The following ATP11B variants were observed in gnomAD, a reference collection of about 807,000 sequenced individuals.
ATP11B encodes ATPase phospholipid transporting 11B (putative), also known as phospholipid-transporting ATPase IF.
In ATP11B, 81 loss-of-function variants were observed where a neutral mutation model predicts 157.8. The ratio of observed to expected loss-of-function variants is 0.51; its 90% CI spans 0.43 to 0.62. The LOEUF (loss-of-function observed/expected upper bound fraction) is 0.62. Ranked by LOEUF, ATP11B falls within the 20% of genes least tolerant of loss-of-function variation. The pLI, the probability that ATP11B is intolerant of heterozygous loss-of-function variation, is 0.00. For synonymous variants in ATP11B, 451 were observed against 469.4 expected, an observed-to-expected ratio of 0.96 and a Z score of 0.51; for missense variants, 1,165 against 1,402.2, an observed-to-expected ratio of 0.83 and a Z score of 2.70.
Position 182,918,969 on chromosome 3 carries a change from T to G in ATP11B, c.*865T>G, listed in dbSNP as rs1203099118. The G allele has an allele frequency of 3.9e-5, 6 of 152,110 alleles. No individual in the cohort carries two copies. Among genetic ancestry groups the G allele is most frequent in the Non-Finnish European group, 2.9e-5 (2 of 67,992 alleles). The allele number at this position is 152,110 out of a possible 1,614,324, so 9.4% of individuals were successfully genotyped here. A position where few individuals can be genotyped will look rare whatever the true frequency, so the allele number is the denominator to read the frequency against. On this transcript the variant is annotated 3_prime_UTR_variant, in exon 30 of 30. Coordinates refer to ENST00000323116, the MANE Select transcript of ATP11B (RefSeq NM_014616.3). Reference sequence around the variant, plus strand: ...ATCTGGTTAACATATTTAAATTTGCTTTTTTTCTCTTTACCTGAAGGCTCT... The same window carrying G: ...ATCTGGTTAACATATTTAAATTTGCGTTTTTTCTCTTTACCTGAAGGCTCT...
At chr3:182,870,446 T>C (rs527611701) in intron 17 of ATP11B, among the ~76,000 whole-genome samples, 5 of 152,230 alleles carry the variant, frequency 3.3e-5, no homozygotes, top group Middle Eastern at 3.2e-3. Context: ...TAATTGTTTA[T>C]GTTCCAGTTT....
At chr3:182,818,575 A>G (rs1717110877) in intron 1 of ATP11B, among the ~76,000 whole-genome samples, 1 of 152,124 alleles carries the variant, frequency 6.6e-6, no homozygotes, top group Non-Finnish European at 1.5e-5. Context: ...GCATTTGTAC[A>G]GTCCTGTACT....
chr3:182,860,830 T>G lies in ATP11B; in HGVS notation c.1200+1471T>G, dbSNP rs1288384667. On this transcript the variant is annotated intron_variant, in intron 12 of 29. Transcript: ENST00000323116. The stretch of plus-strand genomic sequence containing the variant: ...TTTTTTAAAATTGCCTCTTATCCCA[T>G]TTCTTGAACATAATCTATTCTTTTA... Among the ~76,000 whole-genome samples the G allele has an allele frequency of 2.0e-5, 3 of 152,206 alleles. No individual in the cohort carries two copies. In the East Asian group the frequency reaches 5.8e-4, roughly 29 times the overall value.
At chr3:182,810,237 CAGG>C (rs952584525) in intron 1 of ATP11B, among the ~76,000 whole-genome samples, 2 of 152,070 alleles carry the variant, frequency 1.3e-5, no homozygotes, top group Middle Eastern at 3.2e-3. Context: ...GAGGCTGAGA[CAGG>C]AGAATTGCTT....
chr3:182,895,374 C>A (rs1007605696), intron 25 of ATP11B, among the ~76,000 whole-genome samples: 2 of 152,118 alleles, frequency 1.3e-5, no homozygotes, highest in Non-Finnish European at 2.9e-5. Context: ...ATAATCATAA[C>A]TATTATTTAC....
At chr3:182,852,461 A>G (rs1266098781) in intron 10 of ATP11B, among the ~76,000 whole-genome samples, 1 of 152,246 alleles carries the variant, frequency 6.6e-6, no homozygotes, top group Non-Finnish European at 1.5e-5. Context: ...ACTTTTTGTC[A>G]CTGACTTTTA....
At chr3:182,869,670 A>G (rs1490788085) in intron 17 of ATP11B, among the ~76,000 whole-genome samples, 1 of 152,268 alleles carries the variant, frequency 6.6e-6, no homozygotes, top group African/African-American at 2.4e-5. Flanking sequence ...TATAAATGGT[A>G]CAGCCACATT....
intron 1 of ATP11B, among the ~76,000 whole-genome samples, chr3:182,805,793 T>C (rs1716292980): frequency 6.6e-6 from 1 of 151,912 alleles, no homozygotes; most frequent in African/African-American, 2.4e-5. Flanking sequence ...TCTTGTGTTT[T>C]AAAAAAAATT....
At chr3:182,885,792 A>G (rs575660084) in intron 22 of ATP11B, among the ~76,000 whole-genome samples, 159 bp from the exon 23 acceptor site, 2 of 152,248 alleles carry the variant, frequency 1.3e-5, no homozygotes, top group Non-Finnish European at 2.9e-5. Flanking sequence ...ATAAAATGGG[A>G]ATCCTGCATT....
At position 182,836,018 on chromosome 3, in the gene ATP11B, C is replaced by A; in HGVS notation, c.316-17C>A. On this transcript the variant is annotated splice_polypyrimidine_tract_variant and intron_variant, in intron 4 of 29. Coordinates refer to ENST00000323116, the MANE Select transcript of ATP11B (RefSeq NM_014616.3). ...ATTATACTGAAAAATTATTTTTTACCCTTTGGATATTTACAGGGATATGAA... is the reference window on the plus strand; with the variant it reads ...ATTATACTGAAAAATTATTTTTTACACTTTGGATATTTACAGGGATATGAA... The A allele has an allele frequency of 6.4e-7, 1 of 1,553,450 alleles. No individual in the cohort carries two copies. Among genetic ancestry groups the A allele is most frequent in the Non-Finnish European group, 8.7e-7 (1 of 1,145,784 alleles).
intron 28 of ATP11B, among the ~76,000 whole-genome samples, chr3:182,909,609 A>G (rs749591319): frequency 1.3e-5 from 2 of 152,164 alleles, no homozygotes; most frequent in African/African-American, 2.4e-5. Context: ...TATACTGGCA[A>G]CTATGTCTAT....
In ATP11B at chr3:182,829,868, AT is replaced by A. The variant is rs538380536; in HGVS notation, c.315+119del. On this transcript the variant is annotated intron_variant, in intron 4 of 29. Transcript: ENST00000323116. ...AATAATTTCCATAAGAAAGCAGCAA[AT>A]TTGTCTGATACGTAGTAAAATTAAA... is the stretch of plus-strand genomic sequence containing the variant. 1,060 of 1,421,980 alleles carry A rather than the reference AT, an allele frequency of 7.5e-4. 2 individuals are homozygous for A. The highest frequency in any genetic ancestry group is 2.2e-3 in the Admixed American group (77 of 35,054). 88.1% of individuals were successfully genotyped at this position (1,421,980 alleles called of 1,614,324 possible). A position where few individuals can be genotyped will look rare whatever the true frequency, so the allele number is the denominator to read the frequency against.
chr3:182,884,491 C>G (rs1722668312), intron 21 of ATP11B, among the ~76,000 whole-genome samples: 1 of 151,882 alleles, frequency 6.6e-6, no homozygotes, highest in South Asian at 2.1e-4. Flanking sequence ...CCTTAACTTT[C>G]AATATTATTT....
chr3:182,864,367 G>C (rs544316895), intron 12 of ATP11B, among the ~76,000 whole-genome samples: 1 of 152,216 alleles, frequency 6.6e-6, no homozygotes, highest in South Asian at 2.1e-4. Flanking sequence ...CTCTCCATAA[G>C]GTACGATGTT....
At chr3:182,882,097 A>G (rs192821238) in intron 21 of ATP11B, among the ~76,000 whole-genome samples, 1 of 152,290 alleles carries the variant, frequency 6.6e-6, no homozygotes, top group Admixed American at 6.5e-5. Flanking sequence ...TTATGGAAGG[A>G]TAAAATTTGA....
At chr3:182,882,872 G>A (rs1361075157) in intron 21 of ATP11B, among the ~76,000 whole-genome samples, 1 of 152,156 alleles carries the variant, frequency 6.6e-6, no homozygotes, top group Non-Finnish European at 1.5e-5. Flanking sequence ...ATGGAAGGAT[G>A]TGAGCAATCG....
intron 2 of ATP11B, among the ~76,000 whole-genome samples, chr3:182,821,141 G>C (rs1011023696): frequency 6.6e-6 from 1 of 151,950 alleles, no homozygotes; most frequent in East Asian, 1.9e-4. Flanking sequence ...ACAGAGTCTC[G>C]CTGTGTCACC....
At chr3:182,916,954 A>T in intron 29 of ATP11B, 2 of 982,548 alleles carry the variant, frequency 2.0e-6, no homozygotes, top group Non-Finnish European at 2.4e-6. Context: ...TTATTCTGCA[A>T]ATACTGGGTG....
chr3:182,845,399 C>T, intron 8 of ATP11B, 59 bp from the exon 9 acceptor site: 1 of 1,414,452 alleles, frequency 7.1e-7, no homozygotes. Flanking sequence ...GATGCCATTT[C>T]AGAATTGAAG....
Sources: allele counts gnomAD v4.1 joint callset (sites outside exome capture counted in the v4.1 genomes callset), GRCh38; gene constraint gnomAD v4.1.1; transcripts MANE v1.5; gene names NCBI Gene and HGNC (gene_info 2026-07-23, HGNC 2026-07-21).